Variants in FOXF2 observed in about 807,000 individuals in gnomAD.
FOXF2 encodes forkhead box protein F2.
FOXF2 carries 15 observed loss-of-function variants against 29.1 expected under a neutral mutation model. That is an observed-to-expected ratio of 0.52 (90% CI 0.35 to 0.79). The LOEUF is 0.79. FOXF2 is among the 30% of genes least tolerant of loss of function. The pLI, the probability that FOXF2 is intolerant of heterozygous loss-of-function variation, is 0.01. For synonymous variants in FOXF2, 337 were observed against 316.5 expected, an observed-to-expected ratio of 1.06 and a Z score of -0.69; for missense variants, 675 against 667.1, an observed-to-expected ratio of 1.01 and a Z score of -0.13.
At chr6:1,392,191 C>A (rs1758803008) in intron 1 of FOXF2, among the ~76,000 whole-genome samples, 1 of 152,036 alleles carries the variant, frequency 6.6e-6, no homozygotes, top group Non-Finnish European at 1.5e-5. Flanking sequence ...GAAGGAAAGC[C>A]CAGAAATGGG....
intron 1 of FOXF2, among the ~76,000 whole-genome samples, chr6:1,393,134 G>C (rs1758827548): frequency 6.6e-6 from 1 of 152,080 alleles, no homozygotes; most frequent in Non-Finnish European, 1.5e-5. Flanking sequence ...CCGGCACACA[G>C]ATCAGCACAT....
chr6:1,395,388 A>G lies in FOXF2; in HGVS notation c.*529A>G. The G allele has an allele frequency of 6.3e-6, 1 of 159,720 alleles. No homozygotes were observed. Among genetic ancestry groups the G allele is most frequent in the Admixed American group, 5.9e-5 (1 of 16,878 alleles). The allele number at this position is 159,720 out of a possible 1,614,324, so 9.9% of individuals were successfully genotyped here. On this transcript the variant is annotated 3_prime_UTR_variant, in exon 2 of 2. Transcript: ENST00000645481. ...GGAATTATTTAGAAACAATGTGTCT[A>G]GTTTAAGAAAGTGGTTTTCAGTATT...
Position 1,390,912 on chromosome 6 carries a change from C to G in FOXF2, c.965C>G (p.Ala322Gly). 1.3e-6 allele frequency: 2 copies of G among 1,543,932 alleles called. No homozygotes were observed. Among genetic ancestry groups the G allele is most frequent in the South Asian group, 1.2e-5 (1 of 84,544 alleles). ...AGCAGCCCGGTACCCTCGTCCCCGG[C>G]CATGGCGAGCGCCATCGAATGCCAC... ...SSSSPVPSSP[A>G]MASAIECHSP... The change falls in exon 1 of 2, where the codon GCC (alanine) becomes GGC (glycine). Residue 322 changes from alanine (A) to glycine (G), a missense_variant. Physicochemically the swap from Ala to Gly is moderately conservative, Grantham distance 60. Coordinates refer to ENST00000645481, the MANE Select transcript of FOXF2 (RefSeq NM_001452.2). This position sits in a 1 kb window ranked among gnomAD's most constrained non-coding sequence, Gnocchi z 8.5.
In FOXF2 at chr6:1,390,003, TC is replaced by T. The variant is rs1166625182; in HGVS notation, c.60del (p.Gly21AlafsTer7). Reference protein sequence around the residue: ...PAPLRRACSPVPGALQAALMS... With the variant: ...PAPLRRACSPXPGALQAALMS... ...CCGCTCCGCCGCGCGTGCAGCCCGG[TC>T]CCCGGCGCGCTCCAGGCCGCCCTGA... On this transcript the variant is annotated frameshift_variant, in exon 1 of 2. Transcript: ENST00000645481. LOFTEE classifies it high-confidence loss of function. This position sits in a 1 kb window ranked among gnomAD's most constrained non-coding sequence, Gnocchi z 8.5. The T allele has an allele frequency of 1.8e-6, 2 of 1,099,876 alleles. No individual in the cohort carries two copies. Among genetic ancestry groups the T allele is most frequent in the Non-Finnish European group, 2.2e-6 (2 of 912,902 alleles). 68.1% of individuals were successfully genotyped at this position (1,099,876 alleles called of 1,614,324 possible).
At chr6:1,391,540 T>C (rs1206761835) in intron 1 of FOXF2, among the ~76,000 whole-genome samples, 1 of 152,238 alleles carries the variant, frequency 6.6e-6, no homozygotes, top group African/African-American at 2.4e-5. Context: ...TTTGCTGTAC[T>C]TCTGTCCCGA....
At chr6:1,392,895 T>C (rs1475103309) in intron 1 of FOXF2, among the ~76,000 whole-genome samples, 2 of 152,006 alleles carry the variant, frequency 1.3e-5, no homozygotes, top group Non-Finnish European at 2.9e-5. Flanking sequence ...AGACAATAGC[T>C]CGGGCCTGAC....
chr6:1,391,362 G>C (rs1392960920), intron 1 of FOXF2, among the ~76,000 whole-genome samples: 1 of 152,232 alleles, frequency 6.6e-6, no homozygotes, highest in African/African-American at 2.4e-5. Flanking sequence ...TGTGAGCGTG[G>C]TGTAAAGTCC....
chr6:1,395,220 G>A lies in FOXF2; in HGVS notation c.*361G>A. On this transcript the variant is annotated 3_prime_UTR_variant, in exon 2 of 2. Transcript: ENST00000645481. The stretch of plus-strand genomic sequence containing the variant: ...AGACAAGTTGTGTGTGTGTGTGTGT[G>A]TCTAAGAAAACTTGTGTGCTTTTCA... 3.6e-6 allele frequency: 1 copy of A among 275,526 alleles called. No homozygotes were observed. Among genetic ancestry groups the A allele is most frequent in the Non-Finnish European group, 7.0e-6 (1 of 143,068 alleles). 17.1% of individuals were successfully genotyped at this position (275,526 alleles called of 1,614,324 possible). A position where few individuals can be genotyped will look rare whatever the true frequency, so the allele number is the denominator to read the frequency against.
In FOXF2 at chr6:1,390,037, G is replaced by A; in HGVS notation, c.90G>A (p.Pro30=). ...PGALQAALMS[P]PPAAAAAAAA... The stretch of plus-strand genomic sequence containing the variant: ...CGCTCCAGGCCGCCCTGATGAGCCC[G>A]CCGCCCGCCGCCGCCGCCGCCGCCG... The change falls in exon 1 of 2, where the codon CCG becomes CCA. Residue 30 remains proline (P), a synonymous_variant. Transcript: ENST00000645481. This position sits in a 1 kb window ranked among gnomAD's most constrained non-coding sequence, Gnocchi z 8.5. 3.7e-6 allele frequency: 5 copies of A among 1,355,740 alleles called. No individual in the cohort carries two copies. The highest frequency in any genetic ancestry group is 4.8e-6 in the Non-Finnish European group (5 of 1,050,222). The allele number at this position is 1,355,740 out of a possible 1,614,324, so 84.0% of individuals were successfully genotyped here. A position where few individuals can be genotyped will look rare whatever the true frequency, so the allele number is the denominator to read the frequency against.
In FOXF2 at chr6:1,390,810, G is replaced by A; in HGVS notation, c.863G>A (p.Cys288Tyr). Residue 288 changes from cysteine to tyrosine, a missense_variant, in exon 1 of 2, where the codon TGC becomes TAC. Cys to Tyr is a radical substitution (Grantham distance 194). Transcript: ENST00000645481. The surrounding 1 kb of genome is among the most constrained non-coding windows in gnomAD (Gnocchi z 8.5). ...CCGGGTTCCACCTACATGGCCAGCT[G>A]CCCGGTGCCCGCGGGACCCGGGGGC... ...PNPGSTYMASCPVPAGPGGVG... is the reference protein window; with the variant it reads ...PNPGSTYMASYPVPAGPGGVG... 15 of 1,385,940 alleles carry A rather than the reference G, an allele frequency of 1.1e-5. No homozygotes were observed. Among genetic ancestry groups the A allele is most frequent in the Non-Finnish European group, 1.4e-5 (15 of 1,082,094 alleles). 85.9% of individuals were successfully genotyped at this position (1,385,940 alleles called of 1,614,324 possible).
chr6:1,392,707 C>T (rs1163767058), intron 1 of FOXF2, among the ~76,000 whole-genome samples: 1 of 152,234 alleles, frequency 6.6e-6, no homozygotes, highest in Non-Finnish European at 1.5e-5. Flanking sequence ...CCTCATAACA[C>T]TGGGCGCAGG....
intron 1 of FOXF2, 62 bp from the exon 2 acceptor site, chr6:1,394,634 C>T: frequency 6.5e-7 from 1 of 1,539,380 alleles, no homozygotes; most frequent in Non-Finnish European, 9.0e-7. Flanking sequence ...CAAAATAAGA[C>T]ACCCTGCCAT....
At chr6:1,392,210 G>C (rs1312810597) in intron 1 of FOXF2, among the ~76,000 whole-genome samples, 1 of 152,144 alleles carries the variant, frequency 6.6e-6, no homozygotes, top group Non-Finnish European at 1.5e-5. Flanking sequence ...GGCAAAAGAT[G>C]TTGGTTCCCT....
In FOXF2 at chr6:1,395,231, CTT is replaced by C. The variant is rs1758899841; in HGVS notation, c.*373_*374del. On this transcript the variant is annotated 3_prime_UTR_variant, in exon 2 of 2. Coordinates refer to ENST00000645481, the MANE Select transcript of FOXF2 (RefSeq NM_001452.2). ...GTGTGTGTGTGTGTGTCTAAGAAAA[CTT>C]GTGTGCTTTTCAAAAAGGCAGTGCT... 2 of 254,098 alleles carry C rather than the reference CTT, an allele frequency of 7.9e-6. No individual in the cohort carries two copies. The highest frequency in any genetic ancestry group is 4.4e-5 in the African/African-American group (2 of 45,544). The allele number at this position is 254,098 out of a possible 1,614,324, so 15.7% of individuals were successfully genotyped here.
chr6:1,394,624 C>A, intron 1 of FOXF2, 72 bp from the exon 2 acceptor site: 1 of 1,495,690 alleles, frequency 6.7e-7, no homozygotes, highest in Non-Finnish European at 9.3e-7. Flanking sequence ...TACTCTGAGG[C>A]AAAATAAGAC....
chr6:1,390,522 G>A lies in FOXF2; in HGVS notation c.575G>A (p.Arg192Gln). The A allele has an allele frequency of 6.2e-7, 1 of 1,609,842 alleles. No individual in the cohort carries two copies. The highest frequency in any genetic ancestry group is 8.5e-7 in the Non-Finnish European group (1 of 1,179,332). ...TTCGAGGAGGGCTCGTTCCGCCGCC[G>A]GCCGCGCGGCTTCAGGCGGAAGTGC... is the stretch of plus-strand genomic sequence containing the variant. ...FMFEEGSFRR[R>Q]PRGFRRKCQA... Residue 192 changes from arginine (R) to glutamine (Q), a missense_variant, in exon 1 of 2, where the codon CGG becomes CAG. By Grantham distance (43) the Arg-to-Gln change is conservative. This residue lies in a region of FOXF2 where 451 missense variants were observed against 437.2 expected (regional missense o/e 1.03). Transcript: ENST00000645481. The surrounding 1 kb of genome is among the most constrained non-coding windows in gnomAD (Gnocchi z 8.5).
At chr6:1,394,077 T>G (rs1758851893) in intron 1 of FOXF2, among the ~76,000 whole-genome samples, 1 of 152,218 alleles carries the variant, frequency 6.6e-6, no homozygotes, top group African/African-American at 2.4e-5. Flanking sequence ...TCTAAGACGT[T>G]CGGGACCCAC....
intron 1 of FOXF2, among the ~76,000 whole-genome samples, chr6:1,394,185 G>A (rs754732852): frequency 6.6e-6 from 1 of 152,202 alleles, no homozygotes; most frequent in Non-Finnish European, 1.5e-5. Flanking sequence ...TTTGGCACAG[G>A]GAGTCCTCTG....
At chr6:1,392,373 A>G (rs1033925077) in intron 1 of FOXF2, among the ~76,000 whole-genome samples, 2 of 151,846 alleles carry the variant, frequency 1.3e-5, no homozygotes, top group South Asian at 4.2e-4. Context: ...GAATTTCAAC[A>G]AGTAACCAAT....
Sources: gnomAD v4.1 joint callset for allele counts (sites outside exome capture counted in the v4.1 genomes callset) on GRCh38, gnomAD v4.1.1 for gene constraint, gnomAD v4.1.1 regional missense constraint, Gnocchi (gnomAD v3.1) non-coding constraint, MANE v1.5 for transcripts, NCBI Gene and HGNC (gene_info 2026-07-23, HGNC 2026-07-21) for gene names.